The following SCHIP1 variants were observed in gnomAD, a reference collection of about 807,000 sequenced individuals.
SCHIP1 encodes the protein schwannomin interacting protein 1.
A neutral mutation model predicts 29.7 loss-of-function variants in SCHIP1; 8 were observed. The observed-to-expected ratio is 0.27, with a 90% CI of 0.16 to 0.49. The LOEUF (loss-of-function observed/expected upper bound fraction) is 0.49. Ranked by LOEUF, SCHIP1 falls within the 20% of genes least tolerant of loss-of-function variation. SCHIP1 has a pLI of 0.99. For synonymous variants in SCHIP1, 76 were observed against 94.9 expected (o/e 0.80, Z 1.16); for missense variants, 193 against 294.6 (o/e 0.66, Z 2.52).
At chr3:159,282,475 T>A in the SCHIP1 span, among the ~76,000 whole-genome samples, 5 of 121,302 alleles carry the variant, frequency 4.1e-5, no homozygotes, top group South Asian at 2.4e-4. Flanking sequence ...TTTAGAATTT[T>A]AAATTTTTTT....
the SCHIP1 span, among the ~76,000 whole-genome samples, chr3:159,679,709 C>G: frequency 6.6e-6 from 1 of 152,138 alleles, no homozygotes; most frequent in Non-Finnish European, 1.5e-5. Context: ...GAGAAGCTCT[C>G]CATGATGGCC....
At chr3:159,373,559 T>G in the SCHIP1 span, among the ~76,000 whole-genome samples, 1 of 152,056 alleles carries the variant, frequency 6.6e-6, no homozygotes, top group Non-Finnish European at 1.5e-5. Flanking sequence ...GACCATCATC[T>G]CCCTATTTCC....
At chr3:159,349,576 T>C in the SCHIP1 span, among the ~76,000 whole-genome samples, 2,611 of 152,276 alleles carry the variant, frequency 0.017, 70 homozygotes, top group African/African-American at 0.06. Context: ...TCAGAAAATA[T>C]AAGGTGTCCC....
the SCHIP1 span, among the ~76,000 whole-genome samples, chr3:159,752,428 T>G: frequency 6.6e-6 from 1 of 152,206 alleles, no homozygotes; most frequent in South Asian, 2.1e-4. Context: ...ACTGTACTAG[T>G]CTGTTCTTGT....
chr3:159,879,483 G>T lies in SCHIP1; in HGVS notation c.150-6724G>T, dbSNP rs938934116. 3.9e-5 allele frequency among the ~76,000 whole-genome samples: 6 copies of T among 152,056 alleles called. 1 individual carries two copies. The highest frequency in any genetic ancestry group is 2.1e-4 in the South Asian group (1 of 4,822). ...AGGGTTAGACATAAAATAGTAAAAT[G>T]CCTGGCACTTAGTAGATGCTCAAAA... On this transcript the variant is annotated intron_variant, in intron 2 of 6. Transcript: ENST00000445224.
chr3:159,720,393 A>T, the SCHIP1 span, among the ~76,000 whole-genome samples: 5 of 152,248 alleles, frequency 3.3e-5, no homozygotes, highest in East Asian at 7.7e-4. Context: ...AAAAAAAATT[A>T]AAAATAAATA....
At chr3:159,381,787 G>A in the SCHIP1 span, among the ~76,000 whole-genome samples, 1 of 151,978 alleles carries the variant, frequency 6.6e-6, no homozygotes, top group African/African-American at 2.4e-5. Context: ...AGTAGAGACG[G>A]GTTTCACCAT....
chr3:159,494,238 G>T, the SCHIP1 span, among the ~76,000 whole-genome samples: 1 of 152,060 alleles, frequency 6.6e-6, no homozygotes, highest in African/African-American at 2.4e-5. Context: ...CAGAAGGCAA[G>T]AAATAACTAA....
rs1208716620 is a variant in SCHIP1 at position 159,888,758 on chromosome 3, T to TTAA, written c.466-61_466-59dup. 1.9e-6 allele frequency: 3 copies of TTAA among 1,586,304 alleles called. No homozygotes were observed. The Admixed American group carries it at 5.3e-5, about 28-fold the overall frequency. The stretch of plus-strand genomic sequence containing the variant: ...GGGTCTTTTAAGAGAAAACTGGGTC[T>TTAA]TAACGTTCAGTGTGTTTGTGGCTCT... On this transcript the variant is annotated intron_variant, in intron 4 of 6. Coordinates refer to ENST00000445224, the Ensembl canonical transcript of SCHIP1.
the SCHIP1 span, among the ~76,000 whole-genome samples, chr3:159,724,247 A>G: frequency 6.6e-6 from 1 of 152,300 alleles, no homozygotes; most frequent in East Asian, 1.9e-4. Flanking sequence ...TCATTGATTT[A>G]AAATAACTCC....
the SCHIP1 span, among the ~76,000 whole-genome samples, chr3:159,491,725 T>A: frequency 3.3e-5 from 5 of 152,212 alleles, no homozygotes; most frequent in African/African-American, 1.2e-4. Flanking sequence ...GACTTAAATG[T>A]CCCTGTCTGA....
At chr3:159,481,953 GCAGT>G in the SCHIP1 span, among the ~76,000 whole-genome samples, 1 of 152,026 alleles carries the variant, frequency 6.6e-6, no homozygotes, top group East Asian at 1.9e-4. Flanking sequence ...TAATAGAATG[GCAGT>G]CAGGAAGCTG....
the SCHIP1 span, among the ~76,000 whole-genome samples, chr3:159,444,092 G>C: frequency 6.6e-6 from 1 of 152,124 alleles, no homozygotes; most frequent in Non-Finnish European, 1.5e-5. Context: ...AGCACTGAGA[G>C]GGGGTGGTGA....
At chr3:159,562,346 C>G in the SCHIP1 span, among the ~76,000 whole-genome samples, 1 of 152,112 alleles carries the variant, frequency 6.6e-6, no homozygotes, top group Non-Finnish European at 1.5e-5. Context: ...AGTTTGTAAC[C>G]AAGTTATGTT....
the SCHIP1 span, among the ~76,000 whole-genome samples, chr3:159,815,495 AG>A: frequency 6.6e-6 from 1 of 152,176 alleles, no homozygotes; most frequent in African/African-American, 2.4e-5. Context: ...TATGTTGAAA[AG>A]GACGCCGAAG....
the SCHIP1 span, among the ~76,000 whole-genome samples, chr3:159,446,719 A>G: frequency 1.3e-5 from 2 of 152,326 alleles, no homozygotes; most frequent in African/African-American, 4.8e-5. Flanking sequence ...TTAGGGGTCA[A>G]ATCCTCTCAA....
At chr3:159,531,302 A>G in the SCHIP1 span, among the ~76,000 whole-genome samples, 3 of 152,316 alleles carry the variant, frequency 2.0e-5, no homozygotes, top group East Asian at 3.9e-4. Flanking sequence ...GCATTCTCCA[A>G]CACCTGGGAT....
chr3:159,421,852 C>T, the SCHIP1 span, among the ~76,000 whole-genome samples: 1 of 152,004 alleles, frequency 6.6e-6, no homozygotes, highest in Non-Finnish European at 1.5e-5. Context: ...AAATTCATAC[C>T]GAGCCCACTG....
At chr3:159,299,905 A>T in the SCHIP1 span, among the ~76,000 whole-genome samples, 1 of 152,028 alleles carries the variant, frequency 6.6e-6, no homozygotes, top group Non-Finnish European at 1.5e-5. Context: ...CCCATGGGGG[A>T]CAGTAGGAGA....
Sources: allele counts gnomAD v4.1 joint callset (sites outside exome capture counted in the v4.1 genomes callset), GRCh38; gene constraint gnomAD v4.1.1; transcripts MANE v1.5; gene names NCBI Gene and HGNC (gene_info 2026-07-23, HGNC 2026-07-21).